Variants in CDH11 observed in about 807,000 individuals in gnomAD.
CDH11 encodes the protein cadherin-11.
CDH11 carries 11 observed loss-of-function variants against 67.8 expected under a neutral mutation model. The ratio of observed to expected loss-of-function variants is 0.16; its 90% CI spans 0.10 to 0.27. The LOEUF is 0.27. CDH11 is among the 10% of genes least tolerant of loss of function. The pLI, the probability that CDH11 is intolerant of heterozygous loss-of-function variation, is 1.00. For synonymous variants in CDH11, 419 were observed against 400.0 expected (o/e 1.05, Z -0.57); for missense variants, 847 against 1,031.2 (o/e 0.82, Z 2.45).
At chr16:65,100,864 T>C (rs1897989397) in intron 1 of CDH11, among the ~76,000 whole-genome samples, 1 of 152,100 alleles carries the variant, frequency 6.6e-6, no homozygotes, top group African/African-American at 2.4e-5. Context: ...ATATCTACAA[T>C]GAGTAGACAA....
intron 2 of CDH11, among the ~76,000 whole-genome samples, chr16:65,038,307 G>C (rs926843501): frequency 2.0e-5 from 3 of 152,062 alleles, no homozygotes; most frequent in Non-Finnish European, 2.9e-5. Context: ...CCCACTGTCT[G>C]CTAGGGAAGA....
intron 1 of CDH11, among the ~76,000 whole-genome samples, chr16:65,069,234 G>C (rs183403606): frequency 2.6e-5 from 4 of 152,186 alleles, no homozygotes; most frequent in African/African-American, 9.6e-5. Context: ...AAGAAACATG[G>C]GAAAATACTT....
chr16:64,973,977 G>C (rs2072086415), intron 8 of CDH11, among the ~76,000 whole-genome samples: 1 of 152,032 alleles, frequency 6.6e-6, no homozygotes, highest in Admixed American at 6.6e-5. Flanking sequence ...ATGACTCCAG[G>C]CTGTGCAAAA....
At chr16:65,035,675 A>T (rs890640582) in intron 2 of CDH11, among the ~76,000 whole-genome samples, 1 of 152,244 alleles carries the variant, frequency 6.6e-6, no homozygotes, top group Non-Finnish European at 1.5e-5. Context: ...CATACTTTAT[A>T]GCACTTTATA....
At chr16:65,088,405 A>G (rs2074738319) in intron 1 of CDH11, among the ~76,000 whole-genome samples, 1 of 152,218 alleles carries the variant, frequency 6.6e-6, no homozygotes, top group African/African-American at 2.4e-5. Flanking sequence ...TAAAATGCTC[A>G]CTACCTTCTA....
At chr16:64,967,954 C>T (rs2071888260) in intron 11 of CDH11, among the ~76,000 whole-genome samples, 1 of 152,074 alleles carries the variant, frequency 6.6e-6, no homozygotes, top group Admixed American at 6.6e-5. Context: ...TTCACACATT[C>T]CCTGGAACCC....
At chr16:64,971,513 T>G (rs2072004153) in intron 11 of CDH11, 66 bp downstream of exon 11, 14 of 871,258 alleles carry the variant, frequency 1.6e-5, no homozygotes, top group Non-Finnish European at 2.7e-5. Flanking sequence ...ACTTGTGCTA[T>G]GCAATGTAAA....
At chr16:65,066,168 T>G (rs2142754192) in intron 1 of CDH11, among the ~76,000 whole-genome samples, 1 of 152,350 alleles carries the variant, frequency 6.6e-6, no homozygotes, top group South Asian at 2.1e-4. Flanking sequence ...TCACTCTGCC[T>G]CCTTCATTCC....
intron 3 of CDH11, 130 bp from the exon 4 acceptor site, chr16:64,998,986 T>A (rs1474850764): frequency 2.6e-6 from 2 of 766,490 alleles, no homozygotes; most frequent in Middle Eastern, 2.7e-4. Flanking sequence ...CATCTCCATT[T>A]TACAACAGGA....
At chr16:65,075,319 G>A (rs568315371) in intron 1 of CDH11, among the ~76,000 whole-genome samples, 486 of 152,366 alleles carry the variant, frequency 3.2e-3, no homozygotes, top group Admixed American at 6.1e-3. Flanking sequence ...GACTCTGCAT[G>A]TGGCAGTGGC....
At chr16:65,059,714 G>A (rs559913340) in intron 1 of CDH11, 24 of 152,318 alleles carry the variant, frequency 1.6e-4, no homozygotes, top group African/African-American at 5.5e-4. Context: ...ACTGAAGCCA[G>A]GGACAATAGA....
chr16:65,083,603 A>G (rs765935805), intron 1 of CDH11, among the ~76,000 whole-genome samples: 2 of 152,236 alleles, frequency 1.3e-5, no homozygotes, highest in African/African-American at 4.8e-5. Flanking sequence ...CAAACAAATC[A>G]TTGCTGAGGC....
intron 2 of CDH11, among the ~76,000 whole-genome samples, chr16:65,009,847 C>T (rs1015540933): frequency 2.0e-5 from 3 of 152,152 alleles, no homozygotes; most frequent in Non-Finnish European, 4.4e-5. Context: ...ATGTGCAAAG[C>T]CACCAGCTCG....
At chr16:65,075,165 T>A (rs567638367) in intron 1 of CDH11, among the ~76,000 whole-genome samples, 1 of 152,314 alleles carries the variant, frequency 6.6e-6, no homozygotes, top group South Asian at 2.1e-4. Flanking sequence ...CAGCTAGACT[T>A]GGATAGGGAA....
At chr16:64,960,045 T>A (rs1392421301) in intron 11 of CDH11, among the ~76,000 whole-genome samples, 1 of 152,232 alleles carries the variant, frequency 6.6e-6, no homozygotes, top group Admixed American at 6.5e-5. Flanking sequence ...TCAGTGCTCA[T>A]TGATCTGCCA....
In CDH11 at chr16:64,950,937, C is replaced by A. The variant is rs2071345064; in HGVS notation, c.1724G>T (p.Ser575Ile). 6.2e-7 allele frequency: 1 copy of A among 1,614,084 alleles called. No homozygotes were observed. The highest frequency in any genetic ancestry group is 8.5e-7 in the Non-Finnish European group (1 of 1,180,048). The change falls in exon 12 of 13, where the codon AGC (serine) becomes ATC (isoleucine). Residue 575 changes from serine (S) to isoleucine (I), a missense_variant. By Grantham distance (142) the Ser-to-Ile change is moderately radical. Coordinates refer to ENST00000268603, the MANE Select transcript of CDH11 (RefSeq NM_001797.4). ...QDLYLLPIVI[S>I]DGGIPPMSST... ...ACTCATGGGCGGGATGCCGCCATCG[C>A]TGATCACTATGGGCAGAAGGTACAA...
intron 3 of CDH11, among the ~76,000 whole-genome samples, chr16:65,003,846 G>A (rs933242160): frequency 6.6e-6 from 1 of 152,172 alleles, no homozygotes; most frequent in African/African-American, 2.4e-5. Context: ...CAGGACATAA[G>A]TACACAAGGA....
intron 1 of CDH11, among the ~76,000 whole-genome samples, chr16:65,100,318 T>C (rs1567578700): frequency 6.6e-6 from 1 of 151,748 alleles, no homozygotes; most frequent in South Asian, 2.1e-4. Flanking sequence ...GCAACAAATG[T>C]AATAGGAGAA....
rs139283937 is a variant in CDH11, at chr16:64,973,530, G to C, written c.1254-490C>G. On this transcript the variant is annotated intron_variant, in intron 8 of 12. Coordinates refer to ENST00000268603, the MANE Select transcript of CDH11 (RefSeq NM_001797.4). ...CTTATTTAAAGAAAAATGCAGCCTGGTGCAGTGTCTCACTCCTGTAATCCC... is the reference window on the plus strand; with the variant it reads ...CTTATTTAAAGAAAAATGCAGCCTGCTGCAGTGTCTCACTCCTGTAATCCC... Among the ~76,000 whole-genome samples, 341 of 152,288 alleles carry C rather than the reference G, an allele frequency of 2.2e-3. 3 individuals carry two copies. The highest frequency in any genetic ancestry group is 7.5e-3 in the African/African-American group (313 of 41,572).
Sources: allele counts gnomAD v4.1 joint callset (sites outside exome capture counted in the v4.1 genomes callset), GRCh38; gene constraint gnomAD v4.1.1; transcripts MANE v1.5; gene names NCBI Gene and HGNC (gene_info 2026-07-23, HGNC 2026-07-21).